DMD: variants seen among roughly 807,000 people sequenced by gnomAD.
DMD encodes dystrophin.
A neutral mutation model predicts 330.1 loss-of-function variants in DMD; 63 were observed. The observed-to-expected ratio is 0.19, with a 90% CI of 0.16 to 0.24. The LOEUF (loss-of-function observed/expected upper bound fraction) is 0.24. DMD is among the 10% of genes least tolerant of loss of function. DMD has a pLI of 1.00. For missense variants in DMD, 3,344 were observed against 2,684.1 expected, an observed-to-expected ratio of 1.25 and a Z score of -5.43; for synonymous variants, 1,223 against 959.8, an observed-to-expected ratio of 1.27 and a Z score of -5.07.
intron 45 of DMD, among the ~76,000 whole-genome samples, chrX:31,964,381 C>T (rs888985879): frequency 7.2e-5 from 8 of 110,716 alleles, no homozygotes; most frequent in African/African-American, 2.6e-4. Flanking sequence ...GGTACTAACT[C>T]CCCTGCAAAA....
chrX:33,226,006 T>C (rs1036018450), intron 1 of DMD, among the ~76,000 whole-genome samples: 1 of 111,355 alleles, frequency 9.0e-6, no homozygotes. Context: ...GAAATTCGAA[T>C]TAAAACCTCA....
At chrX:32,273,901 G>T (rs1450060601) in intron 43 of DMD, among the ~76,000 whole-genome samples, 2 of 112,039 alleles carry the variant, frequency 1.8e-5, no homozygotes, top group African/African-American at 6.5e-5. Context: ...TCTACCTTGA[G>T]CTTCTGTAAC....
chrX:31,967,668 A>G (rs1352456789), intron 45 of DMD, among the ~76,000 whole-genome samples: 1 of 111,445 alleles, frequency 9.0e-6, no homozygotes, highest in Non-Finnish European at 1.9e-5. Context: ...GAAACAAGAC[A>G]CATTAACATC....
intron 60 of DMD, among the ~76,000 whole-genome samples, chrX:31,392,477 T>C (rs2060724317): frequency 8.9e-6 from 1 of 112,226 alleles, no homozygotes; most frequent in Non-Finnish European, 1.9e-5. Flanking sequence ...GACAACAATA[T>C]AGCCAGCACA....
At chrX:33,121,422 G>A (rs931689316) in intron 1 of DMD, among the ~76,000 whole-genome samples, 15 of 110,539 alleles carry the variant, frequency 1.4e-4, no homozygotes, top group Non-Finnish European at 2.5e-4. Context: ...TGGTAGAGAC[G>A]GGGTTTCACC....
At chrX:32,572,972 C>A (rs775678837) in intron 15 of DMD, among the ~76,000 whole-genome samples, 2 of 111,329 alleles carry the variant, frequency 1.8e-5, no homozygotes, top group South Asian at 3.9e-4. Context: ...CACTGGCTCC[C>A]CTTCTCCTTC....
intron 9 of DMD, among the ~76,000 whole-genome samples, chrX:32,680,740 G>A (rs752629569): frequency 1.8e-5 from 2 of 110,543 alleles, no homozygotes; most frequent in South Asian, 7.7e-4. Flanking sequence ...ATTGTTTGCT[G>A]TCTCTCTCCC....
At chrX:33,036,741 C>A (rs1419251353) in intron 1 of DMD, among the ~76,000 whole-genome samples, 1 of 110,806 alleles carries the variant, frequency 9.0e-6, no homozygotes, top group African/African-American at 3.3e-5. Flanking sequence ...AAATGTAATT[C>A]ATATGTAATT....
At chrX:32,357,553 G>A (rs1047239630) in intron 37 of DMD, among the ~76,000 whole-genome samples, 1 of 109,660 alleles carries the variant, frequency 9.1e-6, no homozygotes, top group African/African-American at 3.3e-5. Context: ...GGTCATCAGT[G>A]TATCTCATCT....
intron 2 of DMD, among the ~76,000 whole-genome samples, chrX:32,991,035 C>T (rs997357649): frequency 9.0e-6 from 1 of 110,904 alleles, no homozygotes; most frequent in African/African-American, 3.3e-5. Flanking sequence ...GATAATTATA[C>T]CTAATTTGTT....
chrX:31,766,289 G>A (rs971247782), intron 51 of DMD, among the ~76,000 whole-genome samples: 4 of 111,536 alleles, frequency 3.6e-5, no homozygotes, highest in African/African-American at 6.5e-5. Flanking sequence ...ACGGAGTTTC[G>A]CTCTTGTTGC....
chrX:31,708,336 A>G (rs1357945941), intron 52 of DMD, among the ~76,000 whole-genome samples: 1 of 111,599 alleles, frequency 9.0e-6, no homozygotes, highest in Non-Finnish European at 1.9e-5. Context: ...CTGAGTCACA[A>G]TGGTTTATTA....
chrX:32,540,176 T>A (rs1028517560), intron 17 of DMD, among the ~76,000 whole-genome samples: 1 of 111,296 alleles, frequency 9.0e-6, no homozygotes, highest in Non-Finnish European at 1.9e-5. Flanking sequence ...TAGATCTAGT[T>A]TTACCCTAGG....
chrX:32,748,355 A>AAAAAG (rs1186113976), intron 7 of DMD, among the ~76,000 whole-genome samples: 24 of 108,670 alleles, frequency 2.2e-4, no homozygotes, highest in East Asian at 5.7e-4. Context: ...CAAAAAAAAA[A>AAAAAG]AAAAGAAAAG....
chrX:32,752,514 T>C (rs766490612), intron 7 of DMD, among the ~76,000 whole-genome samples: 33 of 107,412 alleles, frequency 3.1e-4, no homozygotes, highest in Non-Finnish European at 1.9e-4. Flanking sequence ...CTTTTGATTT[T>C]ATAGGCTCAC....
At chrX:31,556,075 T>A (rs1985513387) in intron 55 of DMD, among the ~76,000 whole-genome samples, 2 of 110,380 alleles carry the variant, frequency 1.8e-5, no homozygotes, top group African/African-American at 6.6e-5. Flanking sequence ...TTAAAAAAAA[T>A]AATAATAATT....
Position 33,045,938 on chromosome X carries a change from A to T in DMD, c.32-25738T>A, listed in dbSNP as rs145661514. 9.9e-3 allele frequency among the ~76,000 whole-genome samples: 1,103 copies of T among 111,439 alleles called. 6 individuals are homozygous for T. Among genetic ancestry groups the T allele is most frequent in the Non-Finnish European group, 0.016 (851 of 53,049 alleles). ...CTTTCAAGGGTGTGGTAATCAGGAC[A>T]CAGACACCCCAAATCCTGGAGGCAG... On this transcript the variant is annotated intron_variant, in intron 1 of 78. Coordinates refer to ENST00000357033, the MANE Select transcript of DMD (RefSeq NM_004006.3).
chrX:32,484,117 C>T (rs766616645), intron 21 of DMD, among the ~76,000 whole-genome samples: 1 of 111,061 alleles, frequency 9.0e-6, no homozygotes, highest in South Asian at 3.7e-4. Flanking sequence ...CCTTCAAACC[C>T]GATTTTACTC....
intron 1 of DMD, chrX:33,041,280 G>A (rs2094294936): frequency 1.4e-6 from 1 of 718,041 alleles, no homozygotes; most frequent in Non-Finnish European, 2.1e-6. Context: ...TTAAGTGGCC[G>A]CGCAGCCTGC....
Sources: allele counts gnomAD v4.1 joint callset (sites outside exome capture counted in the v4.1 genomes callset), GRCh38; gene constraint gnomAD v4.1.1; transcripts MANE v1.5; gene names NCBI Gene and HGNC (gene_info 2026-07-23, HGNC 2026-07-21).